The following LUZP2 variants were observed in gnomAD, a reference collection of about 807,000 sequenced individuals.
The protein encoded by LUZP2 is leucine zipper protein 2.
Under a neutral mutation model 51.6 loss-of-function variants are expected in LUZP2, and 52 were observed. That is an observed-to-expected ratio of 1.01 (90% CI 0.81 to 1.27). The LOEUF is 1.27. Among genes scored for constraint, LUZP2 ranks in the 50% most tolerant of loss-of-function variants. LUZP2 has a pLI of 0.00. For missense variants in LUZP2, 436 were observed against 395.4 expected, an observed-to-expected ratio of 1.10 and a Z score of -0.87; for synonymous variants, 154 against 137.3, an observed-to-expected ratio of 1.12 and a Z score of -0.85.
chr11:24,890,892 TTC>T (rs935444240), intron 5 of LUZP2: 32 of 876,906 alleles, frequency 3.6e-5, no homozygotes, highest in Non-Finnish European at 4.2e-5. Context: ...GGAGTAAAAG[TTC>T]TTTTTTTTTT....
At chr11:24,652,671 A>T (rs904719986) in intron 1 of LUZP2, among the ~76,000 whole-genome samples, 1 of 152,160 alleles carries the variant, frequency 6.6e-6, no homozygotes, top group Non-Finnish European at 1.5e-5. Context: ...ATTTATAATA[A>T]TCTCATAAGA....
chr11:24,954,178 C>G (rs1225845794), intron 7 of LUZP2, among the ~76,000 whole-genome samples: 1 of 151,866 alleles, frequency 6.6e-6, no homozygotes, highest in Non-Finnish European at 1.5e-5. Context: ...TAGTTTAACA[C>G]AAATCTTTGT....
At chr11:24,817,388 G>A (rs1179943423) in intron 5 of LUZP2, among the ~76,000 whole-genome samples, 1 of 151,900 alleles carries the variant, frequency 6.6e-6, no homozygotes, top group East Asian at 1.9e-4. Flanking sequence ...GTTGGCTCAT[G>A]GTTGAGTTGG....
At position 24,801,137 on chromosome 11, in the gene LUZP2, T is replaced by G. The variant is rs111767148; in HGVS notation, c.396+37829T>G. On this transcript the variant is annotated intron_variant, in intron 5 of 11. Transcript: ENST00000336930. ...AGGGTTCAAGTATCATAAGGGAATG[T>G]GGATCCTGCTGAATCAACATATAAC... is the stretch of plus-strand genomic sequence containing the variant. 9.1e-3 allele frequency among the ~76,000 whole-genome samples: 1,393 copies of G among 152,256 alleles called. 19 individuals are homozygous for G. Among genetic ancestry groups the G allele is most frequent in the African/African-American group, 0.031 (1,272 of 41,560 alleles).
intron 1 of LUZP2, among the ~76,000 whole-genome samples, chr11:24,537,480 T>C (rs1224215455): frequency 2.6e-5 from 4 of 151,918 alleles, no homozygotes; most frequent in African/African-American, 9.7e-5. Context: ...TTCTAAACAA[T>C]ATTGAAACTA....
intron 7 of LUZP2, among the ~76,000 whole-genome samples, 183 bp from the exon 8 acceptor site, chr11:24,976,408 G>A (rs1257257873): frequency 2.6e-5 from 4 of 151,090 alleles, no homozygotes; most frequent in Admixed American, 2.0e-4. Flanking sequence ...TAAATATTCT[G>A]CACATCAAAT....
chr11:24,705,229 TTC>T (rs1468213974), intron 1 of LUZP2, among the ~76,000 whole-genome samples: 2 of 152,194 alleles, frequency 1.3e-5, no homozygotes, highest in Non-Finnish European at 2.9e-5. Flanking sequence ...TAAAAGGTTG[TTC>T]TTGCCTCTTT....
At chr11:25,068,518 G>A (rs1438514707) in intron 10 of LUZP2, among the ~76,000 whole-genome samples, 2 of 151,846 alleles carry the variant, frequency 1.3e-5, no homozygotes, top group South Asian at 2.1e-4. Context: ...GACAAGCTCT[G>A]GAAGTGAGAG....
At chr11:24,583,148 T>A (rs1852933464) in intron 1 of LUZP2, among the ~76,000 whole-genome samples, 1 of 152,194 alleles carries the variant, frequency 6.6e-6, no homozygotes, top group Admixed American at 6.6e-5. Context: ...CTAACACGTA[T>A]GTATGTACAC....
intron 7 of LUZP2, among the ~76,000 whole-genome samples, chr11:24,931,179 C>G (rs980090804): frequency 4.6e-5 from 7 of 150,952 alleles, no homozygotes; most frequent in Admixed American, 2.6e-4. Flanking sequence ...CCACTGCACT[C>G]CAGTCTGATG....
intron 1 of LUZP2, among the ~76,000 whole-genome samples, chr11:24,503,039 T>A (rs1212133738): frequency 2.0e-5 from 3 of 152,164 alleles, no homozygotes; most frequent in Non-Finnish European, 4.4e-5. Context: ...TTTTTTTTAC[T>A]ACGGAGAACA....
At chr11:24,747,755 A>T (rs2134002310) in intron 4 of LUZP2, among the ~76,000 whole-genome samples, 1 of 152,024 alleles carries the variant, frequency 6.6e-6, no homozygotes, top group East Asian at 2.0e-4. Context: ...GATGGGGATG[A>T]GGTTCCCAGG....
intron 1 of LUZP2, among the ~76,000 whole-genome samples, chr11:24,682,041 A>T (rs1856752072): frequency 6.6e-6 from 1 of 152,224 alleles, no homozygotes; most frequent in Admixed American, 6.5e-5. Flanking sequence ...ATAACATTTT[A>T]AAAAGTTTAT....
chr11:24,910,924 G>C (rs1000699948), intron 6 of LUZP2, among the ~76,000 whole-genome samples: 2 of 152,152 alleles, frequency 1.3e-5, no homozygotes, highest in Non-Finnish European at 2.9e-5. Context: ...GCAGCCAGGA[G>C]GGGGGCTGTA....
intron 1 of LUZP2, among the ~76,000 whole-genome samples, chr11:24,600,655 C>G (rs188440246): frequency 6.6e-6 from 1 of 152,032 alleles, no homozygotes; most frequent in Admixed American, 6.6e-5. Flanking sequence ...TCATAAAGAT[C>G]GTGATTGCTT....
intron 1 of LUZP2, among the ~76,000 whole-genome samples, chr11:24,697,797 T>A (rs531413179): frequency 2.2e-4 from 33 of 152,294 alleles, no homozygotes; most frequent in African/African-American, 6.7e-4. Context: ...TTCTCTGGTT[T>A]CTCCTACAGA....
chr11:24,938,577 T>A (rs957648155), intron 7 of LUZP2, among the ~76,000 whole-genome samples: 6 of 39,058 alleles, frequency 1.5e-4, no homozygotes, highest in African/African-American at 6.1e-4. Flanking sequence ...CTCTGTGGAT[T>A]TTTTTTTTTC....
intron 4 of LUZP2, among the ~76,000 whole-genome samples, chr11:24,760,724 A>G (rs1419130969): frequency 1.3e-5 from 2 of 152,182 alleles, no homozygotes; most frequent in Non-Finnish European, 2.9e-5. Flanking sequence ...AGCCAAGCCC[A>G]GGAGTCAGAT....
chr11:25,027,375 A>G (rs951894475), intron 9 of LUZP2, among the ~76,000 whole-genome samples: 1 of 152,106 alleles, frequency 6.6e-6, no homozygotes, highest in Non-Finnish European at 1.5e-5. Flanking sequence ...CATCATTTAC[A>G]TTATTTATAC....
Sources: allele counts gnomAD v4.1 joint callset (sites outside exome capture counted in the v4.1 genomes callset), GRCh38; gene constraint gnomAD v4.1.1; transcripts MANE v1.5; gene names NCBI Gene and HGNC (gene_info 2026-07-23, HGNC 2026-07-21).